The following PTPRM variants were observed in gnomAD, a reference collection of about 807,000 sequenced individuals.
PTPRM encodes the protein protein tyrosine phosphatase receptor type M.
PTPRM carries 47 observed loss-of-function variants against 186.7 expected under a neutral mutation model. The ratio of observed to expected loss-of-function variants is 0.25; its 90% CI spans 0.20 to 0.32. The LOEUF is 0.32. Among genes scored for constraint, PTPRM ranks in the 10% least tolerant of loss-of-function variants. The pLI, the probability that PTPRM is intolerant of heterozygous loss-of-function variation, is 1.00. For synonymous variants in PTPRM, 668 were observed against 674.9 expected, an observed-to-expected ratio of 0.99 and a Z score of 0.16; for missense variants, 1,494 against 1,865.0, an observed-to-expected ratio of 0.80 and a Z score of 3.66.
At chr18:8,344,440 GTGTGTGTGTATATATATATA>G (rs1464849367) in intron 23 of PTPRM, among the ~76,000 whole-genome samples, 9 of 34,862 alleles carry the variant, frequency 2.6e-4, no homozygotes, top group Non-Finnish European at 6.5e-4. Context: ...ATGTGTGTGT[GTGTGTGTGTATATATATATA>G]TATATATATA....
In PTPRM at chr18:8,139,770, A is replaced by C. The variant is rs137982075; in HGVS notation, c.2168-3877A>C. On this transcript the variant is annotated intron_variant, in intron 13 of 32. Transcript: ENST00000580170. The stretch of plus-strand genomic sequence containing the variant: ...ATTCCTTCTCCAATCCCCCATCCTA[A>C]TAGCTGCCTTGCCTTCACCCCCCAG... Among the ~76,000 whole-genome samples the C allele has an allele frequency of 2.7e-5, 4 of 150,284 alleles. No individual in the cohort carries two copies. The East Asian group carries it at 7.8e-4, about 29-fold the overall frequency.
At chr18:8,297,647 A>G (rs1223060976) in intron 20 of PTPRM, among the ~76,000 whole-genome samples, 16 of 152,158 alleles carry the variant, frequency 1.1e-4, no homozygotes, top group Admixed American at 1.0e-3. Flanking sequence ...ACTATTTTTA[A>G]TTTAAACAGC....
chr18:8,004,017 T>C (rs1599997193), intron 7 of PTPRM, among the ~76,000 whole-genome samples: 1 of 152,342 alleles, frequency 6.6e-6, no homozygotes, highest in East Asian at 1.9e-4. Context: ...GTGTTGACTA[T>C]GTGGAAATTC....
At chr18:8,141,691 CA>C (rs1160624376) in intron 13 of PTPRM, among the ~76,000 whole-genome samples, 1 of 152,120 alleles carries the variant, frequency 6.6e-6, no homozygotes, top group Non-Finnish European at 1.5e-5. Context: ...AACTTAGTTA[CA>C]AAACATACCT....
intron 14 of PTPRM, among the ~76,000 whole-genome samples, chr18:8,210,293 A>G (rs1227638203): frequency 4.6e-5 from 7 of 152,158 alleles, no homozygotes; most frequent in Non-Finnish European, 1.0e-4. Flanking sequence ...CCAAGGCGAC[A>G]GAGAGAGACT....
chr18:7,798,390 G>T (rs568408606), intron 2 of PTPRM, among the ~76,000 whole-genome samples: 2 of 150,622 alleles, frequency 1.3e-5, no homozygotes, highest in African/African-American at 4.9e-5. Flanking sequence ...TTAGCTGGGC[G>T]TGGTGGCAGG....
intron 1 of PTPRM, among the ~76,000 whole-genome samples, chr18:7,652,612 A>T (rs946568387): frequency 2.0e-5 from 3 of 151,860 alleles, no homozygotes; most frequent in African/African-American, 7.3e-5. Context: ...AGGGACATGG[A>T]TGAAGTTGGA....
chr18:8,218,650 G>T (rs2094117950), intron 14 of PTPRM, among the ~76,000 whole-genome samples: 1 of 152,146 alleles, frequency 6.6e-6, no homozygotes, highest in Non-Finnish European at 1.5e-5. Context: ...GAGATTTTTT[G>T]ATTCTCAATT....
chr18:7,778,900 G>A (rs1437792768), intron 2 of PTPRM, among the ~76,000 whole-genome samples: 3 of 152,128 alleles, frequency 2.0e-5, no homozygotes, highest in Non-Finnish European at 4.4e-5. Flanking sequence ...ATATACTGCA[G>A]CACATTCTAT....
rs527964817 is a variant in PTPRM, at chr18:7,955,935, G to C, written c.1132+521G>C. ...CATAAGCAAGAGTGATTTGTGTGCT[G>C]GGTGCAGTCTTTAGTTTCTTAGATT... On this transcript the variant is annotated intron_variant, in intron 7 of 32. Transcript: ENST00000580170. Among the ~76,000 whole-genome samples the C allele has an allele frequency of 2.6e-5, 4 of 152,252 alleles. No individual in the cohort carries two copies. In the East Asian group the frequency reaches 7.7e-4, roughly 29 times the overall value.
At chr18:8,139,043 A>T (rs1353696574) in intron 13 of PTPRM, among the ~76,000 whole-genome samples, 1 of 151,960 alleles carries the variant, frequency 6.6e-6, no homozygotes, top group Non-Finnish European at 1.5e-5. Flanking sequence ...TTTTTATGAC[A>T]ACCTCAAATT....
intron 7 of PTPRM, among the ~76,000 whole-genome samples, chr18:8,044,532 G>A (rs568070011): frequency 2.1e-4 from 32 of 151,598 alleles, no homozygotes; most frequent in Admixed American, 7.2e-4. Flanking sequence ...CAAAGCGGGC[G>A]GATCACCTGA....
At chr18:7,904,705 A>G (rs2049884328) in intron 3 of PTPRM, among the ~76,000 whole-genome samples, 1 of 152,202 alleles carries the variant, frequency 6.6e-6, no homozygotes. Flanking sequence ...GCTATTATGT[A>G]TAAAGCTTCT....
At chr18:7,929,685 T>A (rs912560473) in intron 5 of PTPRM, among the ~76,000 whole-genome samples, 8 of 152,220 alleles carry the variant, frequency 5.3e-5, no homozygotes, top group Non-Finnish European at 7.3e-5. Context: ...TTTTTATTAA[T>A]CTATATGTGT....
intron 3 of PTPRM, among the ~76,000 whole-genome samples, chr18:7,894,524 T>G (rs1450171643): frequency 6.6e-6 from 1 of 151,828 alleles, no homozygotes; most frequent in East Asian, 1.9e-4. Flanking sequence ...AGGCAGAGCT[T>G]GCAGTGAGCC....
At chr18:8,281,575 C>A (rs78078193) in intron 19 of PTPRM, among the ~76,000 whole-genome samples, 3,684 of 152,250 alleles carry the variant, frequency 0.024, 64 homozygotes, top group South Asian at 0.053. Flanking sequence ...GAACCCACAG[C>A]TTCTTTTGCC....
chr18:8,359,117 G>A (rs2095581297), intron 23 of PTPRM, among the ~76,000 whole-genome samples: 1 of 151,946 alleles, frequency 6.6e-6, no homozygotes, highest in Non-Finnish European at 1.5e-5. Flanking sequence ...AAAAGCAAAA[G>A]TCGTTTTCAC....
intron 22 of PTPRM, among the ~76,000 whole-genome samples, chr18:8,335,604 G>A (rs1474703983): frequency 4.6e-5 from 7 of 152,202 alleles, no homozygotes; most frequent in Non-Finnish European, 8.8e-5. Flanking sequence ...ATGATATGTG[G>A]TGTTTTTTAA....
chr18:7,800,823 A>G (rs1446338566), intron 2 of PTPRM, among the ~76,000 whole-genome samples: 5 of 152,244 alleles, frequency 3.3e-5, no homozygotes, highest in Admixed American at 1.3e-4. Context: ...CCTGGGTTAC[A>G]AACCTGTACA....
Sources: allele counts gnomAD v4.1 joint callset (sites outside exome capture counted in the v4.1 genomes callset), GRCh38; gene constraint gnomAD v4.1.1; transcripts MANE v1.5; gene names NCBI Gene and HGNC (gene_info 2026-07-23, HGNC 2026-07-21).